The following NLGN1 variants were observed in gnomAD, a reference collection of about 807,000 sequenced individuals.
The protein encoded by NLGN1 is neuroligin-1.
NLGN1 carries 12 observed loss-of-function variants against 65.5 expected under a neutral mutation model. The ratio of observed to expected loss-of-function variants is 0.18; its 90% CI spans 0.12 to 0.30. The LOEUF (loss-of-function observed/expected upper bound fraction) is 0.30. Ranked by LOEUF, NLGN1 falls within the 10% of genes least tolerant of loss-of-function variation. The pLI is 1.00. For missense variants in NLGN1, 750 were observed against 1,007.1 expected (o/e 0.74, Z 3.46); for synonymous variants, 350 against 359.5 (o/e 0.97, Z 0.30).
At chr3:173,820,392 T>A (rs554021460) in intron 4 of NLGN1, among the ~76,000 whole-genome samples, 1 of 152,218 alleles carries the variant, frequency 6.6e-6, no homozygotes, top group East Asian at 1.9e-4. Flanking sequence ...ATGAGGTAAG[T>A]GAAAGCGTTG....
intron 4 of NLGN1, among the ~76,000 whole-genome samples, chr3:174,067,521 C>CT (rs1738896971): frequency 6.6e-6 from 1 of 152,048 alleles, no homozygotes. Flanking sequence ...TTTCTTCTAC[C>CT]GTTACTGAGT....
At chr3:174,158,648 A>G (rs989197950) in intron 4 of NLGN1, among the ~76,000 whole-genome samples, 1 of 151,728 alleles carries the variant, frequency 6.6e-6, no homozygotes, top group African/African-American at 2.4e-5. Flanking sequence ...TTGTGTGTAC[A>G]TTAATGTTTG....
At position 174,272,583 on chromosome 3, in the gene NLGN1, T is replaced by TAATA. The variant is rs1353254874; in HGVS notation, c.647-2731_647-2728dup. On this transcript the variant is annotated intron_variant, in intron 4 of 6. Transcript: ENST00000457714. ...AAAGACAGCTGCTATCAGTTTTTCC[T>TAATA]AATATAAAACCCAGCGTCGTCCTCT... Among the ~76,000 whole-genome samples, 3 of 151,698 alleles carry TAATA rather than the reference T, an allele frequency of 2.0e-5. No individual in the cohort carries two copies. In the East Asian group the frequency reaches 5.8e-4, roughly 29 times the overall value.
chr3:173,753,907 A>G (rs903123689), intron 3 of NLGN1, among the ~76,000 whole-genome samples: 3 of 141,366 alleles, frequency 2.1e-5, no homozygotes, highest in African/African-American at 8.1e-5. Context: ...TCTGCCAAAA[A>G]TGCTCTTCCC....
chr3:174,231,704 G>T (rs1410067525), intron 4 of NLGN1, among the ~76,000 whole-genome samples: 1 of 152,068 alleles, frequency 6.6e-6, no homozygotes, highest in African/African-American at 2.4e-5. Context: ...GATCTCCAGG[G>T]CTCTCATTCC....
chr3:173,792,835 A>G (rs537281397), intron 3 of NLGN1, among the ~76,000 whole-genome samples: 1 of 152,296 alleles, frequency 6.6e-6, no homozygotes, highest in African/African-American at 2.4e-5. Context: ...TTAAAAATGT[A>G]TTTTAAATGA....
At chr3:173,700,803 A>G (rs1209544421) in intron 3 of NLGN1, among the ~76,000 whole-genome samples, 1 of 152,190 alleles carries the variant, frequency 6.6e-6, no homozygotes, top group Non-Finnish European at 1.5e-5. Flanking sequence ...AGAGAGGCTA[A>G]TAGGACTCTT....
At chr3:173,512,993 C>T (rs1443057385) in intron 2 of NLGN1, among the ~76,000 whole-genome samples, 2 of 152,164 alleles carry the variant, frequency 1.3e-5, no homozygotes, top group Admixed American at 1.3e-4. Flanking sequence ...CCCCCTATCC[C>T]TGGACTGTGA....
chr3:173,895,979 C>T (rs752777669), intron 4 of NLGN1, among the ~76,000 whole-genome samples: 4 of 152,044 alleles, frequency 2.6e-5, no homozygotes, highest in Admixed American at 6.5e-5. Flanking sequence ...CATGAGGCAC[C>T]GCACCTGGCC....
chr3:173,434,737 TG>T (rs1223677503), intron 1 of NLGN1, among the ~76,000 whole-genome samples: 1 of 152,220 alleles, frequency 6.6e-6, no homozygotes, highest in Non-Finnish European at 1.5e-5. Context: ...CACTCTATTT[TG>T]TAGTTATTTA....
At chr3:173,633,907 A>G (rs902622782) in intron 3 of NLGN1, among the ~76,000 whole-genome samples, 4 of 152,140 alleles carry the variant, frequency 2.6e-5, no homozygotes, top group Non-Finnish European at 4.4e-5. Context: ...TCTTACATAT[A>G]ATCCACTTAT....
intron 4 of NLGN1, among the ~76,000 whole-genome samples, chr3:174,222,901 C>CT (rs1158033897): frequency 6.6e-6 from 1 of 152,052 alleles, no homozygotes; most frequent in African/African-American, 2.4e-5. Context: ...GAAAATATAA[C>CT]TTTTTTCTTT....
At chr3:173,780,313 A>G (rs1030982539) in intron 3 of NLGN1, among the ~76,000 whole-genome samples, 6 of 152,210 alleles carry the variant, frequency 3.9e-5, no homozygotes, top group African/African-American at 1.2e-4. Flanking sequence ...ATGTATCTGC[A>G]TATGGTCAGT....
chr3:173,737,231 T>A (rs376735112), intron 3 of NLGN1, among the ~76,000 whole-genome samples: 335 of 9,876 alleles, frequency 0.034, 1 homozygote, highest in African/African-American at 0.14. Context: ...GCCTCCTCAC[T>A]AAGAAAAAAA....
intron 2 of NLGN1, among the ~76,000 whole-genome samples, chr3:173,480,520 C>CTCATGGGG (rs1245352306): frequency 6.6e-6 from 1 of 152,120 alleles, no homozygotes; most frequent in African/African-American, 2.4e-5. Flanking sequence ...CAAGATGTTA[C>CTCATGGGG]TCATGGGGTC....
chr3:173,433,142 C>T (rs771002879), intron 1 of NLGN1, among the ~76,000 whole-genome samples: 11 of 152,052 alleles, frequency 7.2e-5, no homozygotes, highest in African/African-American at 2.7e-4. Flanking sequence ...CCTATTTGAC[C>T]GATTGCCCTG....
In NLGN1 at chr3:173,982,477, G is replaced by A. The variant is rs1579562789; in HGVS notation, c.646+174645G>A. On this transcript the variant is annotated intron_variant, in intron 4 of 6. Coordinates refer to ENST00000457714, the Ensembl canonical transcript of NLGN1. ...CTAACTTCACCATGTGTTATTAAAT[G>A]CTTGGTCCATAGAAATACAGACCTT... is the stretch of plus-strand genomic sequence containing the variant. 2.6e-5 allele frequency among the ~76,000 whole-genome samples: 4 copies of A among 152,254 alleles called. 1 individual carries two copies. The highest frequency in any genetic ancestry group is 2.6e-4 in the Admixed American group (4 of 15,268).
At chr3:174,257,805 C>T (rs939549697) in intron 4 of NLGN1, among the ~76,000 whole-genome samples, 12 of 150,924 alleles carry the variant, frequency 8.0e-5, no homozygotes, top group South Asian at 4.2e-4. Context: ...AAAATCAAAA[C>T]GCATGTGTGA....
chr3:173,636,527 C>G (rs1756618439), intron 3 of NLGN1, among the ~76,000 whole-genome samples: 1 of 152,002 alleles, frequency 6.6e-6, no homozygotes, highest in Admixed American at 6.6e-5. Context: ...TCAGAGCACT[C>G]CTTATTCTAC....
Sources: allele counts gnomAD v4.1 joint callset (sites outside exome capture counted in the v4.1 genomes callset), GRCh38; gene constraint gnomAD v4.1.1; transcripts MANE v1.5; gene names NCBI Gene and HGNC (gene_info 2026-07-23, HGNC 2026-07-21).